The following TTC28 variants were observed in gnomAD, a reference collection of about 807,000 sequenced individuals.
The protein encoded by TTC28 is tetratricopeptide repeat domain 28.
Under a neutral mutation model 198.0 loss-of-function variants are expected in TTC28, and 61 were observed. That is an observed-to-expected ratio of 0.31 (90% CI 0.25 to 0.38). TTC28 has a LOEUF of 0.38. Ranked by LOEUF, TTC28 falls within the 10% of genes least tolerant of loss-of-function variation. The probability of loss-of-function intolerance (pLI) is 1.00; values close to 1 mark genes in which losing one functional copy is unlikely to be tolerated. For missense variants in TTC28, 2,678 were observed against 3,164.0 expected, an observed-to-expected ratio of 0.85 and a Z score of 3.69; for synonymous variants, 1,171 against 1,297.8, an observed-to-expected ratio of 0.90 and a Z score of 2.10.
rs75187684 is a variant in TTC28 at position 28,570,826 on chromosome 22, C to T, written c.381+58726G>A. 7.0e-3 allele frequency among the ~76,000 whole-genome samples: 1,062 copies of T among 152,202 alleles called. 11 individuals carry two copies. Among genetic ancestry groups the T allele is most frequent in the African/African-American group, 0.025 (1,020 of 41,526 alleles). Reference sequence around the variant, plus strand: ...CAAACAAAATGCTAAAAAAGTTGAGCCTTGTTGCCTCGAAAGATCAAGAAA... The same window carrying T: ...CAAACAAAATGCTAAAAAAGTTGAGTCTTGTTGCCTCGAAAGATCAAGAAA... On this transcript the variant is annotated intron_variant, in intron 2 of 22. Coordinates refer to ENST00000397906, the MANE Select transcript of TTC28 (RefSeq NM_001145418.2).
At chr22:28,086,565 A>G (rs977228440) in intron 12 of TTC28, among the ~76,000 whole-genome samples, 1 of 152,210 alleles carries the variant, frequency 6.6e-6, no homozygotes, top group African/African-American at 2.4e-5. Context: ...AAAGCAGGAA[A>G]GATCCAAAAT....
chr22:28,334,510 C>T (rs558084104), intron 2 of TTC28, among the ~76,000 whole-genome samples: 129 of 152,270 alleles, frequency 8.5e-4, no homozygotes, highest in Middle Eastern at 3.4e-3. Context: ...CTCTCCAGCA[C>T]CTGTTGTTTC....
At position 28,543,566 on chromosome 22, in the gene TTC28, G is replaced by C. The variant is rs181877373; in HGVS notation, c.381+85986C>G. On this transcript the variant is annotated intron_variant, in intron 2 of 22. Coordinates refer to ENST00000397906, the MANE Select transcript of TTC28 (RefSeq NM_001145418.2). ...GAGAAGGAGGGAGGGAGGGAGAAGAGAAAATCTGAAGAACTTTGTATCTAT... is the reference window on the plus strand; with the variant it reads ...GAGAAGGAGGGAGGGAGGGAGAAGACAAAATCTGAAGAACTTTGTATCTAT... Among the ~76,000 whole-genome samples, 42 of 151,732 alleles carry C rather than the reference G, an allele frequency of 2.8e-4. 1 individual carries two copies. In the Middle Eastern group the frequency reaches 0.014, roughly 49 times the overall value.
chr22:28,037,652 T>C (rs1939420858), intron 12 of TTC28, among the ~76,000 whole-genome samples: 1 of 152,330 alleles, frequency 6.6e-6, no homozygotes, highest in Admixed American at 6.5e-5. Flanking sequence ...AACATAGTGT[T>C]GGAAGTTCTG....
chr22:28,233,770 A>T (rs1361729899), intron 5 of TTC28, among the ~76,000 whole-genome samples: 1 of 152,174 alleles, frequency 6.6e-6, no homozygotes, highest in African/African-American at 2.4e-5. Flanking sequence ...TTGGAGATGG[A>T]GTCTCATTCT....
intron 2 of TTC28, among the ~76,000 whole-genome samples, chr22:28,325,469 A>G (rs1042069633): frequency 2.6e-5 from 4 of 152,162 alleles, no homozygotes; most frequent in Non-Finnish European, 4.4e-5. Context: ...AACACAGTCC[A>G]TAAAGGAAGT....
At chr22:28,292,456 G>C (rs2044806705) in intron 5 of TTC28, among the ~76,000 whole-genome samples, 1 of 152,060 alleles carries the variant, frequency 6.6e-6, no homozygotes, top group Non-Finnish European at 1.5e-5. Flanking sequence ...CAACTCCTGG[G>C]CTCAAGTAAT....
At chr22:28,273,810 T>C (rs1289196831) in intron 5 of TTC28, among the ~76,000 whole-genome samples, 1 of 151,936 alleles carries the variant, frequency 6.6e-6, no homozygotes, top group Non-Finnish European at 1.5e-5. Flanking sequence ...ACAGTAAAAG[T>C]GTGGAAAATC....
intron 5 of TTC28, among the ~76,000 whole-genome samples, chr22:28,175,227 C>T (rs1923050173): frequency 6.6e-6 from 1 of 151,934 alleles, no homozygotes; most frequent in African/African-American, 2.4e-5. Context: ...AACATGAGCT[C>T]AAAAGCACAG....
intron 2 of TTC28, among the ~76,000 whole-genome samples, chr22:28,459,195 G>A (rs907241537): frequency 3.9e-5 from 6 of 152,142 alleles, no homozygotes; most frequent in African/African-American, 1.2e-4. Flanking sequence ...GGGAGGCTGA[G>A]GCAGGTGGAT....
chr22:28,281,235 T>G (rs1012999922), intron 5 of TTC28, among the ~76,000 whole-genome samples: 17 of 152,160 alleles, frequency 1.1e-4, no homozygotes, highest in South Asian at 2.1e-4. Context: ...ATTATACATA[T>G]GTAAGACCAT....
intron 5 of TTC28, among the ~76,000 whole-genome samples, chr22:28,254,818 A>G (rs537021784): frequency 6.6e-6 from 1 of 152,306 alleles, no homozygotes; most frequent in East Asian, 1.9e-4. Flanking sequence ...AAGGCAAAGA[A>G]TCAGAACTGA....
At position 28,041,904 on chromosome 22, in the gene TTC28, C is replaced by T. The variant is rs368838270; in HGVS notation, c.3933-11538G>A. On this transcript the variant is annotated intron_variant, in intron 12 of 22. Coordinates refer to ENST00000397906, the MANE Select transcript of TTC28 (RefSeq NM_001145418.2). ...ATTTACAAGAAAAAAAAAACCCCAT[C>T]GAAAAGTGGGCAAAAGATATGAACA... is the stretch of plus-strand genomic sequence containing the variant. Among the ~76,000 whole-genome samples, 12 of 152,038 alleles carry T rather than the reference C, an allele frequency of 7.9e-5. No individual in the cohort carries two copies. In the East Asian group the frequency reaches 1.7e-3, roughly 22 times the overall value.
At chr22:28,256,421 C>CAAAA (rs60958364) in intron 5 of TTC28, among the ~76,000 whole-genome samples, 1 of 65,300 alleles carries the variant, frequency 1.5e-5, no homozygotes, top group Non-Finnish European at 3.2e-5. Flanking sequence ...AACTCCGTCT[C>CAAAA]AAAAAAAAAA....
chr22:28,517,900 G>A (rs1045345383), intron 2 of TTC28, among the ~76,000 whole-genome samples: 7 of 151,784 alleles, frequency 4.6e-5, no homozygotes, highest in East Asian at 1.9e-4. Flanking sequence ...TCTCTTGTCC[G>A]AAGTTTTAAT....
Position 28,569,928 on chromosome 22 carries a change from C to T in TTC28, c.381+59624G>A, listed in dbSNP as rs150763267. 2.2e-3 allele frequency among the ~76,000 whole-genome samples: 330 copies of T among 152,246 alleles called. 3 individuals carry two copies. The highest frequency in any genetic ancestry group is 7.5e-3 in the African/African-American group (313 of 41,562). On this transcript the variant is annotated intron_variant, in intron 2 of 22. Transcript: ENST00000397906. Reference sequence around the variant, plus strand: ...GACACTTTTCGAAAGAAGACATATACGTGACCAACAAGCATATTAAAAAAT... The same window carrying T: ...GACACTTTTCGAAAGAAGACATATATGTGACCAACAAGCATATTAAAAAAT...
chr22:28,612,266 A>G (rs1213433707), intron 2 of TTC28, among the ~76,000 whole-genome samples: 1 of 152,222 alleles, frequency 6.6e-6, no homozygotes, highest in Non-Finnish European at 1.5e-5. Flanking sequence ...CACTGCAACA[A>G]GAGAGCTAAC....
At chr22:28,018,509 C>T (rs1938471710) in intron 13 of TTC28, among the ~76,000 whole-genome samples, 1 of 152,218 alleles carries the variant, frequency 6.6e-6, no homozygotes. Context: ...GCAGCAGCAG[C>T]CTTCGCAGTC....
intron 3 of TTC28, among the ~76,000 whole-genome samples, chr22:28,300,010 C>A (rs996890759): frequency 6.6e-6 from 1 of 152,160 alleles, no homozygotes; most frequent in South Asian, 2.1e-4. Flanking sequence ...GGCAGCATAA[C>A]CATTGCAACC....
Sources: gnomAD v4.1 joint callset for allele counts (sites outside exome capture counted in the v4.1 genomes callset) on GRCh38, gnomAD v4.1.1 for gene constraint, MANE v1.5 for transcripts, NCBI Gene and HGNC (gene_info 2026-07-23, HGNC 2026-07-21) for gene names.